ITGA8: variants seen among roughly 807,000 people sequenced by gnomAD.
ITGA8 encodes the protein integrin alpha-8.
Under a neutral mutation model 142.3 loss-of-function variants are expected in ITGA8, and 91 were observed. That is an observed-to-expected ratio of 0.64 (90% CI 0.54 to 0.76). The LOEUF (loss-of-function observed/expected upper bound fraction) is 0.76, where lower values mean the gene tolerates loss of function less well. Among genes scored for constraint, ITGA8 ranks in the 30% least tolerant of loss-of-function variants. ITGA8 has a pLI of 0.00. For synonymous variants in ITGA8, 505 were observed against 485.2 expected (o/e 1.04, Z -0.54); for missense variants, 1,406 against 1,327.7 (o/e 1.06, Z -0.92).
At chr10:15,716,613 G>A (rs1224381449) in intron 2 of ITGA8, among the ~76,000 whole-genome samples, 1 of 151,534 alleles carries the variant, frequency 6.6e-6, no homozygotes, top group Non-Finnish European at 1.5e-5. Flanking sequence ...ATGGGAGAGT[G>A]AATTCAAGGC....
At chr10:15,546,942 G>C (rs188621188) in intron 27 of ITGA8, among the ~76,000 whole-genome samples, 2 of 151,824 alleles carry the variant, frequency 1.3e-5, no homozygotes, top group South Asian at 4.2e-4. Context: ...AATTTCCCTC[G>C]TTTTTATTTT....
At chr10:15,626,467 C>T (rs1443120436) in intron 13 of ITGA8, among the ~76,000 whole-genome samples, 1 of 152,182 alleles carries the variant, frequency 6.6e-6, no homozygotes, top group Non-Finnish European at 1.5e-5. Flanking sequence ...AATCCTCCCA[C>T]CTTGGCCTCC....
At chr10:15,591,281 T>C (rs919905842) in intron 22 of ITGA8, among the ~76,000 whole-genome samples, 3 of 151,912 alleles carry the variant, frequency 2.0e-5, no homozygotes, top group Non-Finnish European at 4.4e-5. Context: ...TTTCATGTCC[T>C]GTTTACATCA....
At position 15,718,896 on chromosome 10, in the gene ITGA8, C is replaced by T. The variant is rs139280055; in HGVS notation, c.213G>A (p.Ala71=). The T allele has an allele frequency of 2.1e-5, 34 of 1,613,950 alleles. No individual in the cohort carries two copies. The highest frequency in any genetic ancestry group is 2.8e-5 in the Non-Finnish European group (33 of 1,180,032). ...VDFHIPDART[A]SVLVGAPKAN... is the part of the protein sequence containing the mutation. ...CTTTGGGCGCCCCCACCAAGACACTCGCTCTGCAAAAGAGTTGGAGAAAGT... is the reference window on the plus strand; with the variant it reads ...CTTTGGGCGCCCCCACCAAGACACTTGCTCTGCAAAAGAGTTGGAGAAAGT... The change falls in exon 2 of 30, where the codon GCG becomes GCA. Residue 71 remains alanine, a synonymous_variant. Transcript: ENST00000378076.
In ITGA8 at chr10:15,514,665, A is replaced by G. The variant is rs1404022417; in HGVS notation, c.*2493T>C. On this transcript the variant is annotated 3_prime_UTR_variant, in exon 30 of 30. Transcript: ENST00000378076. ...TGATCTGCCCGTCTCGGCCTCCCAA[A>G]GTGTTGGGATTACAAGTGTGAGTCA... 6.6e-6 allele frequency: 1 copy of G among 152,276 alleles called. No homozygotes were observed. The highest frequency in any genetic ancestry group is 1.5e-5 in the Non-Finnish European group (1 of 68,166). The allele number at this position is 152,276 out of a possible 1,614,324, so 9.4% of individuals were successfully genotyped here.
chr10:15,556,331 T>C (rs1833889417), intron 26 of ITGA8, among the ~76,000 whole-genome samples: 1 of 151,876 alleles, frequency 6.6e-6, no homozygotes, highest in African/African-American at 2.4e-5. Flanking sequence ...CCCAGCCAGG[T>C]CTCTCTCTTT....
intron 13 of ITGA8, among the ~76,000 whole-genome samples, chr10:15,626,829 G>A (rs1483403740): frequency 6.6e-6 from 1 of 152,172 alleles, no homozygotes; most frequent in African/African-American, 2.4e-5. Context: ...AGGCTTAGAG[G>A]AAACCAACCC....
chr10:15,531,208 C>A, intron 27 of ITGA8, 57 bp from the exon 28 acceptor site: 1 of 832,096 alleles, frequency 1.2e-6, no homozygotes. Context: ...AAGAGTTATA[C>A]TGGCAGCCAC....
intron 21 of ITGA8, among the ~76,000 whole-genome samples, chr10:15,592,712 C>A (rs2131597237): frequency 6.6e-6 from 1 of 152,312 alleles, no homozygotes; most frequent in South Asian, 2.1e-4. Context: ...TCAAGTGATC[C>A]TCCTTCCTTA....
intron 25 of ITGA8, among the ~76,000 whole-genome samples, chr10:15,564,612 A>G (rs1834045676): frequency 6.6e-6 from 1 of 152,252 alleles, no homozygotes; most frequent in African/African-American, 2.4e-5. Context: ...ATTCTTTACC[A>G]AACTCTTCAC....
At chr10:15,716,571 A>G (rs1419230868) in intron 2 of ITGA8, among the ~76,000 whole-genome samples, 1 of 152,238 alleles carries the variant, frequency 6.6e-6, no homozygotes, top group Non-Finnish European at 1.5e-5. Context: ...CTATTCTGGA[A>G]ACCAAAGCAC....
intron 8 of ITGA8, among the ~76,000 whole-genome samples, chr10:15,665,819 A>T (rs867923716): frequency 1.3e-5 from 2 of 152,094 alleles, no homozygotes; most frequent in Non-Finnish European, 1.5e-5. Flanking sequence ...CAAAGATCAG[A>T]TAGTTGTAGA....
chr10:15,719,485 C>A (rs1188924293), intron 1 of ITGA8, 78 bp downstream of exon 1: 1 of 1,355,474 alleles, frequency 7.4e-7, no homozygotes, highest in Non-Finnish European at 9.7e-7. Flanking sequence ...TGCGGGGGGA[C>A]TCCGCGGCAG....
intron 2 of ITGA8, among the ~76,000 whole-genome samples, chr10:15,702,256 A>G (rs529059065): frequency 2.9e-4 from 44 of 152,172 alleles, no homozygotes; most frequent in African/African-American, 1.1e-3. Context: ...TTTACCTGAT[A>G]GATCAAATAT....
rs142639882 is a variant in ITGA8 at position 15,604,863 on chromosome 10, C to T, written c.1971-508G>A. On this transcript the variant is annotated intron_variant, in intron 19 of 29. Transcript: ENST00000378076. Reference sequence around the variant, plus strand: ...AAAGGAAATAATGAGAGGGAAGAAGCAGGCAGATACAATAAGATCTTAAAT... The same window carrying T: ...AAAGGAAATAATGAGAGGGAAGAAGTAGGCAGATACAATAAGATCTTAAAT... Among the ~76,000 whole-genome samples the T allele has an allele frequency of 9.9e-5, 15 of 152,162 alleles. 1 individual carries two copies. In the East Asian group the frequency reaches 2.9e-3, roughly 29 times the overall value.
At chr10:15,518,124 G>T (rs1197972359) in intron 29 of ITGA8, among the ~76,000 whole-genome samples, 1 of 152,180 alleles carries the variant, frequency 6.6e-6, no homozygotes, top group Non-Finnish European at 1.5e-5. Context: ...GAAACTCAGG[G>T]AAGAGGTGAC....
intron 27 of ITGA8, among the ~76,000 whole-genome samples, chr10:15,542,364 T>G (rs1833586561): frequency 6.6e-6 from 1 of 152,198 alleles, no homozygotes; most frequent in Non-Finnish European, 1.5e-5. Context: ...CTGGTGAGAC[T>G]GGGGAAATGA....
chr10:15,569,873 C>T (rs17137494), intron 25 of ITGA8, among the ~76,000 whole-genome samples: 18,597 of 152,060 alleles, frequency 0.12, 1,954 homozygotes, highest in East Asian at 0.29. Context: ...GAAAAGATGA[C>T]GTTTGCATTC....
At chr10:15,607,580 G>T (rs770616188) in intron 17 of ITGA8, 97 bp downstream of exon 17, 91 of 1,104,764 alleles carry the variant, frequency 8.2e-5, no homozygotes, top group Non-Finnish European at 1.2e-4. Flanking sequence ...AGACAGATGG[G>T]GGTCTATGCA....
Sources: allele counts gnomAD v4.1 joint callset (sites outside exome capture counted in the v4.1 genomes callset), GRCh38; gene constraint gnomAD v4.1.1; transcripts MANE v1.5; gene names NCBI Gene and HGNC (gene_info 2026-07-23, HGNC 2026-07-21).